EBF3: variants seen among roughly 807,000 people sequenced by gnomAD.
EBF3 encodes transcription factor COE3.
Under a neutral mutation model 77.1 loss-of-function variants are expected in EBF3, and 18 were observed. That is an observed-to-expected ratio of 0.23 (90% CI 0.16 to 0.35). The LOEUF (loss-of-function observed/expected upper bound fraction) is 0.35. Ranked by LOEUF, EBF3 falls within the 10% of genes least tolerant of loss-of-function variation. EBF3 has a pLI of 1.00. For synonymous variants in EBF3, 350 were observed against 343.5 expected, an observed-to-expected ratio of 1.02 and a Z score of -0.21; for missense variants, 558 against 860.0, an observed-to-expected ratio of 0.65 and a Z score of 4.39.
intron 6 of EBF3, among the ~76,000 whole-genome samples, chr10:129,937,243 CG>C (rs1223352575): frequency 2.6e-5 from 4 of 151,968 alleles, no homozygotes; most frequent in Admixed American, 2.6e-4. Context: ...CCTGGGGTTC[CG>C]GGGCGCACAG....
Position 129,963,879 on chromosome 10 carries a change from C to G in EBF3, c.-111G>C, listed in dbSNP as rs1859735528. The G allele has an allele frequency of 8.2e-7, 1 of 1,218,736 alleles. No individual in the cohort carries two copies. The highest frequency in any genetic ancestry group is 4.4e-5 in the East Asian group (1 of 22,612). 75.5% of individuals were successfully genotyped at this position (1,218,736 alleles called of 1,614,324 possible). ...CTGGCCGCCCTCGCCCTGCTCGGCG[C>G]CTGCGGTCCGGCCCCGCCGCCGGCT... On this transcript the variant is annotated 5_prime_UTR_variant, in exon 1 of 17. Coordinates refer to ENST00000440978, the MANE Select transcript of EBF3 (RefSeq NM_001375380.1). The surrounding 1 kb of genome is among the most constrained non-coding windows in gnomAD (Gnocchi z 7.1).
At chr10:129,887,054 C>CGGGGGGGG (rs1226242130) in intron 6 of EBF3, among the ~76,000 whole-genome samples, 1 of 10,594 alleles carries the variant, frequency 9.4e-5, no homozygotes, top group African/African-American at 2.5e-4. Context: ...GGGTTGTGGG[C>CGGGGGGGG]GGGGGGGGGG....
At chr10:129,875,255 G>A (rs1197433719) in intron 7 of EBF3, among the ~76,000 whole-genome samples, 1 of 138,616 alleles carries the variant, frequency 7.2e-6, no homozygotes, top group African/African-American at 2.7e-5. Flanking sequence ...GGAGTGCAGT[G>A]GCACGATCTC....
rs534976033 is a variant in EBF3 at position 129,942,730 on chromosome 10, T to C, written c.554+14528A>G. Reference sequence around the variant, plus strand: ...CCTGTCTGCCAGCGTGGTGACTGCATTGGAATGTACCATCAGTAAGATCTT... The same window carrying C: ...CCTGTCTGCCAGCGTGGTGACTGCACTGGAATGTACCATCAGTAAGATCTT... On this transcript the variant is annotated intron_variant, in intron 6 of 16. Transcript: ENST00000440978. 3.3e-5 allele frequency among the ~76,000 whole-genome samples: 5 copies of C among 152,326 alleles called. No homozygotes were observed. The South Asian group carries it at 1.0e-3, about 32-fold the overall frequency.
chr10:129,896,026 A>G (rs1287886323), intron 6 of EBF3, among the ~76,000 whole-genome samples: 3 of 152,262 alleles, frequency 2.0e-5, no homozygotes, highest in African/African-American at 7.2e-5. Context: ...AAGCTAATTA[A>G]CAGTTATTAT....
At chr10:129,849,121 TA>T (rs1441270233) in intron 10 of EBF3, among the ~76,000 whole-genome samples, 1 of 152,188 alleles carries the variant, frequency 6.6e-6, no homozygotes, top group Non-Finnish European at 1.5e-5. Context: ...TGCGCGGCCA[TA>T]AATCAGCGGC....
In EBF3 at chr10:129,901,146, G is replaced by A. The variant is rs185386739; in HGVS notation, c.555-23297C>T. The stretch of plus-strand genomic sequence containing the variant: ...TCAGACAGTCAAGTACATCTGGAGT[G>A]TCTCATCCAAGTGGCTGTGGCCCTC... On this transcript the variant is annotated intron_variant, in intron 6 of 16. Coordinates refer to ENST00000440978, the MANE Select transcript of EBF3 (RefSeq NM_001375380.1). Among the ~76,000 whole-genome samples, 401 of 152,320 alleles carry A rather than the reference G, an allele frequency of 2.6e-3. 1 individual carries two copies. Among genetic ancestry groups the A allele is most frequent in the African/African-American group, 9.0e-3 (374 of 41,574 alleles).
At chr10:129,957,008 G>A (rs185992103) in intron 6 of EBF3, among the ~76,000 whole-genome samples, 11 of 152,330 alleles carry the variant, frequency 7.2e-5, no homozygotes, top group Non-Finnish European at 1.0e-4. Context: ...TCCTCACAGC[G>A]AGAGCAGTGG....
chr10:129,959,853 G>T (rs1859357800), intron 4 of EBF3, among the ~76,000 whole-genome samples: 1 of 152,116 alleles, frequency 6.6e-6, no homozygotes, highest in Non-Finnish European at 1.5e-5. Context: ...CTCGCCGGAT[G>T]ATATTTGGAA....
At chr10:129,945,127 A>G (rs1420456270) in intron 6 of EBF3, among the ~76,000 whole-genome samples, 2 of 24,780 alleles carry the variant, frequency 8.1e-5, no homozygotes, top group Non-Finnish European at 7.3e-5. Flanking sequence ...AGGTGAAGGG[A>G]GGGGCAGGGA....
chr10:129,872,718 T>C (rs1309543678), intron 8 of EBF3, among the ~76,000 whole-genome samples: 1 of 152,188 alleles, frequency 6.6e-6, no homozygotes, highest in Non-Finnish European at 1.5e-5. Flanking sequence ...ATGGGGGAAG[T>C]GGCTCTTATT....
At chr10:129,843,970 A>G (rs984065986) in intron 11 of EBF3, among the ~76,000 whole-genome samples, 3 of 152,230 alleles carry the variant, frequency 2.0e-5, no homozygotes, top group African/African-American at 7.2e-5. Context: ...AGTTAATTTT[A>G]AATACAAATG....
chr10:129,894,494 G>A (rs1274886149), intron 6 of EBF3, among the ~76,000 whole-genome samples: 2 of 152,318 alleles, frequency 1.3e-5, no homozygotes, highest in Admixed American at 1.3e-4. Context: ...GCCCCCTGCA[G>A]GGCTCGGTGA....
chr10:129,942,729 A>G (rs973286918), intron 6 of EBF3, among the ~76,000 whole-genome samples: 1 of 152,358 alleles, frequency 6.6e-6, no homozygotes, highest in East Asian at 1.9e-4. Context: ...TGGTGACTGC[A>G]TTGGAATGTA....
Position 129,962,067 on chromosome 10 carries a change from G to T in EBF3, c.411+104C>A, listed in dbSNP as rs1327688860. The T allele has an allele frequency of 2.8e-6, 3 of 1,088,902 alleles. No homozygotes were observed. The Admixed American group carries it at 6.1e-5, about 22-fold the overall frequency. The allele number at this position is 1,088,902 out of a possible 1,614,324, so 67.5% of individuals were successfully genotyped here. A position where few individuals can be genotyped will look rare whatever the true frequency, so the allele number is the denominator to read the frequency against. ...ATTAGCATGTCAAGGAAACTCAATG[G>T]AAAACAAATACACGAGATCCATTTG... On this transcript the variant is annotated intron_variant, in intron 4 of 16. Coordinates refer to ENST00000440978, the MANE Select transcript of EBF3 (RefSeq NM_001375380.1).
chr10:129,916,519 G>A (rs1235391187), intron 6 of EBF3, among the ~76,000 whole-genome samples: 4 of 152,208 alleles, frequency 2.6e-5, no homozygotes, highest in Non-Finnish European at 5.9e-5. Flanking sequence ...TCCGAAATTA[G>A]GCACAGCCTA....
chr10:129,917,679 A>AAAAAC, intron 6 of EBF3, among the ~76,000 whole-genome samples: 2 of 142,084 alleles, frequency 1.4e-5, no homozygotes, highest in South Asian at 4.6e-4. Flanking sequence ...AAAAAAAAAA[A>AAAAAC]CTAAAACCAA....
chr10:129,901,721 T>G (rs975130261), intron 6 of EBF3, among the ~76,000 whole-genome samples: 1 of 152,362 alleles, frequency 6.6e-6, no homozygotes, highest in Middle Eastern at 3.4e-3. Flanking sequence ...TGCAAATCAC[T>G]AAAATGATCC....
At chr10:129,892,914 C>T (rs898007273) in intron 6 of EBF3, among the ~76,000 whole-genome samples, 3 of 152,198 alleles carry the variant, frequency 2.0e-5, no homozygotes, top group Non-Finnish European at 2.9e-5. Context: ...TAGGGGAGGG[C>T]GCCGGCAGCC....
Sources: gnomAD v4.1 joint callset for allele counts (sites outside exome capture counted in the v4.1 genomes callset) on GRCh38, gnomAD v4.1.1 for gene constraint, Gnocchi (gnomAD v3.1) non-coding constraint, MANE v1.5 for transcripts, NCBI Gene and HGNC (gene_info 2026-07-23, HGNC 2026-07-21) for gene names.